Variants in BTBD9 observed in about 807,000 individuals in gnomAD.
BTBD9 encodes the protein BTB/POZ domain-containing protein 9.
In BTBD9, 49 loss-of-function variants were observed where a neutral mutation model predicts 64.3. That is an observed-to-expected ratio of 0.76 (90% CI 0.61 to 0.97). The LOEUF (loss-of-function observed/expected upper bound fraction) is 0.97, where lower values mean the gene tolerates loss of function less well. Among genes scored for constraint, BTBD9 ranks in the 50% least tolerant of loss-of-function variants. The pLI is 0.00. For synonymous variants in BTBD9, 260 were observed against 274.7 expected, an observed-to-expected ratio of 0.95 and a Z score of 0.53; for missense variants, 598 against 762.1, an observed-to-expected ratio of 0.78 and a Z score of 2.53.
intron 7 of BTBD9, among the ~76,000 whole-genome samples, chr6:38,319,451 C>T (rs1010039477): frequency 6.6e-6 from 1 of 152,062 alleles, no homozygotes; most frequent in African/African-American, 2.4e-5. Context: ...GTGTGTACTA[C>T]TTGGTTACCA....
intron 9 of BTBD9, among the ~76,000 whole-genome samples, chr6:38,237,233 T>C (rs1235389027): frequency 6.6e-6 from 1 of 152,180 alleles, no homozygotes; most frequent in Non-Finnish European, 1.5e-5. Context: ...TGTATGTTGT[T>C]TTCAAATCAG....
intron 9 of BTBD9, among the ~76,000 whole-genome samples, chr6:38,251,974 G>T (rs1031457364): frequency 6.6e-6 from 1 of 151,992 alleles, no homozygotes; most frequent in African/African-American, 2.4e-5. Flanking sequence ...GAAGAAAGAG[G>T]GGTAAAATGT....
Position 38,172,808 on chromosome 6 carries a change from G to A in BTBD9, c.*2177C>T, listed in dbSNP as rs978706776. On this transcript the variant is annotated 3_prime_UTR_variant, in exon 11 of 11. Coordinates refer to ENST00000481247, the MANE Select transcript of BTBD9 (RefSeq NM_001099272.2). ...CACAGGCCAGGGAGCTGCAGATGTG[G>A]GTCTAGGGCCGAGGCTTTGCAGCGT... The A allele has an allele frequency of 6.6e-6, 1 of 152,390 alleles. No individual in the cohort carries two copies. Among genetic ancestry groups the A allele is most frequent in the Non-Finnish European group, 1.5e-5 (1 of 68,158 alleles). 9.4% of individuals were successfully genotyped at this position (152,390 alleles called of 1,614,324 possible). A position where few individuals can be genotyped will look rare whatever the true frequency, so the allele number is the denominator to read the frequency against.
intron 9 of BTBD9, among the ~76,000 whole-genome samples, chr6:38,199,536 AAAAC>A (rs1314144278): frequency 2.0e-5 from 3 of 152,240 alleles, no homozygotes; most frequent in East Asian, 3.8e-4. Flanking sequence ...AGACAGAAAA[AAAAC>A]AAATTTATCA....
chr6:38,585,066 A>T (rs1475292399), intron 4 of BTBD9, among the ~76,000 whole-genome samples: 2 of 151,034 alleles, frequency 1.3e-5, no homozygotes, highest in African/African-American at 4.9e-5. Flanking sequence ...AAAAAAAAAA[A>T]TCCTAGGGTG....
chr6:38,534,608 T>C (rs562552473), intron 6 of BTBD9, among the ~76,000 whole-genome samples: 43 of 152,010 alleles, frequency 2.8e-4, no homozygotes, highest in African/African-American at 1.0e-3. Flanking sequence ...CTGATGAACT[T>C]TGATACAAAA....
At chr6:38,554,460 G>A (rs1244325130) in intron 6 of BTBD9, among the ~76,000 whole-genome samples, 1 of 152,136 alleles carries the variant, frequency 6.6e-6, no homozygotes, top group Non-Finnish European at 1.5e-5. Context: ...AAATATTCTG[G>A]CCTAAGTTCA....
chr6:38,179,317 G>C, intron 10 of BTBD9: 1 of 390,016 alleles, frequency 2.6e-6, no homozygotes, highest in Non-Finnish European at 5.2e-6. Flanking sequence ...TCAATAGGCA[G>C]GAGTCATTTT....
intron 6 of BTBD9, among the ~76,000 whole-genome samples, chr6:38,467,650 G>A (rs1161573390): frequency 6.6e-6 from 1 of 152,148 alleles, no homozygotes; most frequent in Non-Finnish European, 1.5e-5. Context: ...CAAAATCACT[G>A]ATACCTTGTG....
intron 8 of BTBD9, among the ~76,000 whole-genome samples, chr6:38,282,698 C>A (rs143419602): frequency 1.8e-3 from 281 of 152,276 alleles, no homozygotes; most frequent in Non-Finnish European, 2.4e-3. Context: ...CTGTGGCCTG[C>A]CAGGCAAGCT....
chr6:38,304,029 T>G (rs1475582675), intron 7 of BTBD9, among the ~76,000 whole-genome samples: 6 of 150,856 alleles, frequency 4.0e-5, no homozygotes, highest in Non-Finnish European at 5.9e-5. Context: ...CATTAATGTT[T>G]ATTAGTCAAA....
intron 1 of BTBD9, among the ~76,000 whole-genome samples, chr6:38,639,266 G>T (rs1363858222): frequency 3.3e-5 from 5 of 152,180 alleles, no homozygotes; most frequent in Admixed American, 2.0e-4. Context: ...GGCTGCCCCG[G>T]ATCTATACTG....
chr6:38,629,540 T>C (rs1480803189), intron 1 of BTBD9, among the ~76,000 whole-genome samples: 3 of 152,022 alleles, frequency 2.0e-5, no homozygotes, highest in South Asian at 2.1e-4. Context: ...AAAAAGTAAA[T>C]AGGCCGGGCA....
chr6:38,544,435 A>G (rs1224830852), intron 6 of BTBD9, among the ~76,000 whole-genome samples: 4 of 152,018 alleles, frequency 2.6e-5, no homozygotes, highest in Admixed American at 6.6e-5. Context: ...ATGTGTGTAT[A>G]TGTATGTATA....
chr6:38,526,719 C>T (rs969550478), intron 6 of BTBD9, among the ~76,000 whole-genome samples: 2 of 152,208 alleles, frequency 1.3e-5, no homozygotes, highest in Admixed American at 1.3e-4. Flanking sequence ...GACTGCCCTG[C>T]TGGATTTTGG....
chr6:38,268,371 G>T (rs1765086724), intron 8 of BTBD9, among the ~76,000 whole-genome samples: 1 of 152,124 alleles, frequency 6.6e-6, no homozygotes, highest in African/African-American at 2.4e-5. Context: ...GTTTTCAGAA[G>T]AATCCGTATC....
At position 38,580,415 on chromosome 6, in the gene BTBD9, A is replaced by C; in HGVS notation, c.837T>G (p.Thr279=). 6.2e-7 allele frequency: 1 copy of C among 1,614,144 alleles called. No homozygotes were observed. Among genetic ancestry groups the C allele is most frequent in the South Asian group, 1.1e-5 (1 of 91,084 alleles). Residue 279 remains threonine, a synonymous_variant, in exon 5 of 11, where the codon ACT becomes ACG. Coordinates refer to ENST00000481247, the MANE Select transcript of BTBD9 (RefSeq NM_001099272.2). ...GMLIPEENIA[T]MKYGAQVVKG... ...TTACAACTTGGGCTCCATACTTCAT[A>C]GTTGCAATGTTTTCTTCTGGTACTA...
chr6:38,435,209 A>G lies in BTBD9; in HGVS notation c.1155-90116T>C, dbSNP rs533462364. On this transcript the variant is annotated intron_variant, in intron 6 of 10. Coordinates refer to ENST00000481247, the MANE Select transcript of BTBD9 (RefSeq NM_001099272.2). The stretch of plus-strand genomic sequence containing the variant: ...ACTCTGTCTCGGGGGGTGGGGGGGA[A>G]GTTAATTGCTAATATTCCCTATGTT... Among the ~76,000 whole-genome samples the G allele has an allele frequency of 8.0e-4, 121 of 150,516 alleles. 1 individual carries two copies. The highest frequency in any genetic ancestry group is 2.7e-3 in the African/African-American group (110 of 40,634).
chr6:38,266,614 GAAAGAAAGAAAGA>G (rs1764992558), intron 8 of BTBD9, among the ~76,000 whole-genome samples: 1 of 9,854 alleles, frequency 1.0e-4, no homozygotes, highest in Non-Finnish European at 2.1e-4. Flanking sequence ...AGGAAAGAAA[GAAAGAAAGAAAGA>G]AAGAAAGAAA....
Sources: allele counts gnomAD v4.1 joint callset (sites outside exome capture counted in the v4.1 genomes callset), GRCh38; gene constraint gnomAD v4.1.1; transcripts MANE v1.5; gene names NCBI Gene and HGNC (gene_info 2026-07-23, HGNC 2026-07-21).